The following SFXN4 variants were observed in gnomAD, a reference collection of about 807,000 sequenced individuals.
The protein encoded by SFXN4 is sideroflexin 4, also known as sideroflexin-4.
SFXN4 carries 48 observed loss-of-function variants against 54.6 expected under a neutral mutation model. That is an observed-to-expected ratio of 0.88 (90% confidence interval 0.70 to 1.12). SFXN4 has a LOEUF of 1.12. Among genes scored for constraint, SFXN4 ranks in the 50% most tolerant of loss-of-function variants. SFXN4 has a pLI of 0.00. For synonymous variants in SFXN4, 130 were observed against 145.5 expected, an observed-to-expected ratio of 0.89 and a Z score of 0.77; for missense variants, 383 against 409.2, an observed-to-expected ratio of 0.94 and a Z score of 0.55.
chr10:119,164,442 C>T (rs1389581916), intron 1 of SFXN4, among the ~76,000 whole-genome samples: 1 of 152,074 alleles, frequency 6.6e-6, no homozygotes, highest in Non-Finnish European at 1.5e-5. Context: ...GAAGTCTGTG[C>T]CCTTAACCTC....
rs1232907439 is a variant in SFXN4, at chr10:119,160,964, T to C, written c.285A>G (p.Thr95=). ...IQEAWKRSLA[T]VHPDSSNLIP... ...TCAGGTTGCTGCTGTCGGGATGCAC[T>C]GTTGCCTTCAAAAGGAGAGATGCAA... Residue 95 remains threonine (T), a synonymous_variant, in exon 5 of 14, where the codon ACA becomes ACG. Coordinates refer to ENST00000355697, the MANE Select transcript of SFXN4 (RefSeq NM_213649.2). 1 of 1,614,154 alleles carries C rather than the reference T, an allele frequency of 6.2e-7. No homozygotes were observed. The highest frequency in any genetic ancestry group is 2.2e-5 in the East Asian group (1 of 44,882).
chr10:119,149,902 TC>T (rs1175668587), intron 11 of SFXN4, among the ~76,000 whole-genome samples: 1 of 152,194 alleles, frequency 6.6e-6, no homozygotes, highest in African/African-American at 2.4e-5. Context: ...GGGAGGACAC[TC>T]CAAGTGAGAC....
chr10:119,150,287 G>T (rs1178006201), intron 11 of SFXN4, among the ~76,000 whole-genome samples: 1 of 152,150 alleles, frequency 6.6e-6, no homozygotes, highest in Non-Finnish European at 1.5e-5. Context: ...GGAGGCTGGG[G>T]CTGCTGGGGA....
chr10:119,158,479 G>C (rs1413386697), intron 6 of SFXN4, among the ~76,000 whole-genome samples: 1 of 151,768 alleles, frequency 6.6e-6, no homozygotes, highest in African/African-American at 2.4e-5. Flanking sequence ...AGCCGGGTGT[G>C]GTGGTGCACA....
chr10:119,161,147 C>A, intron 3 of SFXN4, 66 bp from the exon 4 acceptor site: 1 of 1,548,636 alleles, frequency 6.5e-7, no homozygotes, highest in Non-Finnish European at 8.9e-7. Flanking sequence ...AGGTCTTGCT[C>A]TGTCACCCAG....
At chr10:119,152,209 G>GA (rs34150763) in intron 11 of SFXN4, among the ~76,000 whole-genome samples, 1 of 133,520 alleles carries the variant, frequency 7.5e-6, no homozygotes, top group African/African-American at 2.8e-5. Context: ...AAAGCTGTTT[G>GA]AAAAAATGTC....
intron 13 of SFXN4, among the ~76,000 whole-genome samples, chr10:119,141,813 C>A (rs1280419087): frequency 6.6e-6 from 1 of 152,182 alleles, no homozygotes; most frequent in East Asian, 1.9e-4. Context: ...AGGTAGATCA[C>A]TTGAGGCCAG....
chr10:119,147,908 C>G (rs765744634), intron 11 of SFXN4, 48 bp from the exon 12 acceptor site: 2 of 1,493,772 alleles, frequency 1.3e-6, no homozygotes, highest in Admixed American at 3.4e-5. Flanking sequence ...CGGTGGCTCA[C>G]GCCTGTAATC....
Position 119,157,890 on chromosome 10 carries a change from A to AT in SFXN4, c.451dup (p.Ile151AsnfsTer10). 1 of 1,614,256 alleles carries AT rather than the reference A, an allele frequency of 6.2e-7. No individual in the cohort carries two copies. On this transcript the variant is annotated frameshift_variant, in exon 8 of 14. Transcript: ENST00000355697. LOFTEE classifies it high-confidence loss of function. ...ACTCACGTAACTTCTGTTTCCATTG[A>AT]TGCTGTTGAACGCTGCCATGTAGGC...
In SFXN4 at chr10:119,159,669, G is replaced by T. The variant is rs115065072; in HGVS notation, c.360+59C>A. The T allele has an allele frequency of 5.6e-4, 882 of 1,568,916 alleles. 4 individuals are homozygous for T. In the African/African-American group the frequency reaches 0.01, roughly 19 times the overall value. On this transcript the variant is annotated intron_variant, in intron 6 of 13. Coordinates refer to ENST00000355697, the MANE Select transcript of SFXN4 (RefSeq NM_213649.2). ...TGGAGGGACACAGCTGAGGTTAGGA[G>T]GAGAGTGGCCATCTTCCCAAGCCCC...
intron 13 of SFXN4, among the ~76,000 whole-genome samples, chr10:119,142,359 CTCATG>C (rs1589619143): frequency 6.6e-6 from 1 of 152,138 alleles, no homozygotes; most frequent in East Asian, 1.9e-4. Context: ...TAAGGCAATT[CTCATG>C]TCATGTCACC....
intron 12 of SFXN4, 48 bp from the exon 13 acceptor site, chr10:119,146,401 C>A: frequency 8.5e-7 from 1 of 1,172,190 alleles, no homozygotes; most frequent in Non-Finnish European, 1.3e-6. Flanking sequence ...ACTATCAGGG[C>A]TTATTTTCTG....
In SFXN4 at chr10:119,165,591, G is replaced by A. The variant is rs146295698; in HGVS notation, c.57C>T (p.Asp19=). Residue 19 remains aspartate (D), a synonymous_variant, in exon 1 of 14, where the codon GAC becomes GAT. Coordinates refer to ENST00000355697, the MANE Select transcript of SFXN4 (RefSeq NM_213649.2). ...TQPGRLLGRR[D]AVPAFIEPNV... Reference sequence around the variant, plus strand: ...TGGGCTCAATGAAGGCGGGGACGGCGTCTCTGCGTCCTAGGAGCCGCCCAG... The same window carrying A: ...TGGGCTCAATGAAGGCGGGGACGGCATCTCTGCGTCCTAGGAGCCGCCCAG... The A allele has an allele frequency of 1.1e-4, 174 of 1,594,058 alleles. No homozygotes were observed. The highest frequency in any genetic ancestry group is 1.4e-4 in the Non-Finnish European group (162 of 1,171,988).
At chr10:119,145,256 C>G (rs905376622) in intron 13 of SFXN4, among the ~76,000 whole-genome samples, 6 of 151,170 alleles carry the variant, frequency 4.0e-5, no homozygotes, top group Non-Finnish European at 8.8e-5. Flanking sequence ...TTGATCCTCA[C>G]TGAAACTGAT....
chr10:119,158,850 G>T (rs992131238), intron 6 of SFXN4, among the ~76,000 whole-genome samples: 5 of 152,194 alleles, frequency 3.3e-5, no homozygotes, highest in African/African-American at 1.2e-4. Context: ...TGCCATGGTG[G>T]CAAGTACTTG....
Position 119,157,571 on chromosome 10 carries a change from A to G in SFXN4, c.537+97T>C, listed in dbSNP as rs1229514125. The G allele has an allele frequency of 4.1e-6, 4 of 985,608 alleles. No individual in the cohort carries two copies. In the African/African-American group the frequency reaches 6.5e-5, roughly 16 times the overall value. 61.1% of individuals were successfully genotyped at this position (985,608 alleles called of 1,614,324 possible). ...TTTATTTCCTAGTCATATTTTCTAA[A>G]TTGTTTAAATTGGAACATAAATTTG... is the stretch of plus-strand genomic sequence containing the variant. On this transcript the variant is annotated intron_variant, in intron 9 of 13. Transcript: ENST00000355697.
intron 5 of SFXN4, among the ~76,000 whole-genome samples, chr10:119,160,003 C>T (rs777616844): frequency 2.6e-5 from 4 of 151,874 alleles, no homozygotes; most frequent in African/African-American, 4.8e-5. Flanking sequence ...GTAGAGGTAG[C>T]GAGACCCCCA....
chr10:119,163,366 T>C (rs1177549063), intron 2 of SFXN4, among the ~76,000 whole-genome samples: 1 of 152,180 alleles, frequency 6.6e-6, no homozygotes, highest in Non-Finnish European at 1.5e-5. Context: ...GGGCCTGATA[T>C]TACCTGTTAA....
intron 1 of SFXN4, among the ~76,000 whole-genome samples, chr10:119,164,552 A>C (rs765985943): frequency 1.3e-5 from 2 of 152,112 alleles, no homozygotes; most frequent in African/African-American, 4.8e-5. Flanking sequence ...AATGGCCTAG[A>C]ATATCTCAAG....
Sources: allele counts gnomAD v4.1 joint callset (sites outside exome capture counted in the v4.1 genomes callset), GRCh38; gene constraint gnomAD v4.1.1; transcripts MANE v1.5; gene names NCBI Gene and HGNC (gene_info 2026-07-23, HGNC 2026-07-21).